The following VWA3A variants were observed in gnomAD, a reference collection of about 807,000 sequenced individuals.
The protein encoded by VWA3A is von Willebrand factor A domain containing 3A.
A neutral mutation model predicts 160.4 loss-of-function variants in VWA3A; 134 were observed. The observed-to-expected ratio is 0.84, with a 90% CI of 0.73 to 0.96. The LOEUF (loss-of-function observed/expected upper bound fraction) is 0.96, where lower values mean the gene tolerates loss of function less well. Among genes scored for constraint, VWA3A ranks in the 40% least tolerant of loss-of-function variants. The pLI, the probability that VWA3A is intolerant of heterozygous loss-of-function variation, is 0.00. For synonymous variants in VWA3A, 476 were observed against 543.4 expected (o/e 0.88, Z 1.72); for missense variants, 1,310 against 1,447.9 (o/e 0.90, Z 1.55).
intron 5 of VWA3A, among the ~76,000 whole-genome samples, chr16:22,102,911 G>C (rs889596761): frequency 9.2e-5 from 14 of 152,120 alleles, no homozygotes; most frequent in African/African-American, 3.4e-4. Flanking sequence ...TTGAAGTCTG[G>C]GAGGGCCTGA....
intron 11 of VWA3A, 99 bp from the exon 12 acceptor site, chr16:22,118,803 C>G (rs557701348): frequency 6.6e-7 from 1 of 1,519,294 alleles, no homozygotes; most frequent in Admixed American, 1.8e-5. Flanking sequence ...GAGTCTGACC[C>G]TCTGCCTGGG....
At chr16:22,122,908 G>A (rs557221641) in intron 14 of VWA3A, among the ~76,000 whole-genome samples, 177 bp from the exon 15 acceptor site, 2 of 152,206 alleles carry the variant, frequency 1.3e-5, no homozygotes, top group South Asian at 4.1e-4. Context: ...TGACCTGGTG[G>A]TGGTGGTGGT....
intron 27 of VWA3A, 77 bp downstream of exon 27, chr16:22,146,421 A>T: frequency 1.6e-6 from 2 of 1,276,988 alleles, no homozygotes; most frequent in Non-Finnish European, 2.2e-6. Context: ...CCCCAGTGTC[A>T]GTCCTTCCAA....
intron 9 of VWA3A, 24 bp downstream of exon 9, chr16:22,115,496 T>C: frequency 6.3e-7 from 1 of 1,583,740 alleles, no homozygotes; most frequent in Non-Finnish European, 8.6e-7. Flanking sequence ...CCTAAGCAGG[T>C]GACATACTAC....
intron 21 of VWA3A, among the ~76,000 whole-genome samples, 169 bp downstream of exon 21, chr16:22,134,607 G>A (rs1456357828): frequency 6.6e-6 from 1 of 152,206 alleles, no homozygotes; most frequent in East Asian, 1.9e-4. Flanking sequence ...TCCCTCTGAA[G>A]GCTTTGGGTA....
rs2045734125 is a variant in VWA3A, at chr16:22,121,546, C to T, written c.1285C>T (p.Pro429Ser). The T allele has an allele frequency of 1.9e-6, 3 of 1,613,530 alleles. No individual in the cohort carries two copies. In the Admixed American group the frequency reaches 5.0e-5, roughly 27 times the overall value. ...ATTAAGTCTATATCAGGTCCTGGCA[C>T]CCAATGCATTCTCTCCTGTGGAGGA... is the stretch of plus-strand genomic sequence containing the variant. ...KKLSLYQVLA[P>S]NAFSPVEEFV... Residue 429 changes from proline (P) to serine (S), a missense_variant, in exon 14 of 34, where the codon CCC (proline) becomes TCC (serine). Coordinates refer to ENST00000389398, the MANE Select transcript of VWA3A (RefSeq NM_173615.5).
At position 22,130,033 on chromosome 16, in the gene VWA3A, C is replaced by G. The variant is rs570762524; in HGVS notation, c.1653-1172C>G. On this transcript the variant is annotated intron_variant, in intron 17 of 33. Coordinates refer to ENST00000389398, the MANE Select transcript of VWA3A (RefSeq NM_173615.5). Reference sequence around the variant, plus strand: ...TGAAACCCCGTCTCTACTAAAAATACAAAAATCAGTGGGTCTCAGCGGTGC... The same window carrying G: ...TGAAACCCCGTCTCTACTAAAAATAGAAAAATCAGTGGGTCTCAGCGGTGC... Among the ~76,000 whole-genome samples, 6 of 152,248 alleles carry G rather than the reference C, an allele frequency of 3.9e-5. No homozygotes were observed. The South Asian group carries it at 1.0e-3, about 26-fold the overall frequency.
chr16:22,123,366 G>T (rs2045780996), intron 15 of VWA3A: 2 of 1,296,950 alleles, frequency 1.5e-6, no homozygotes, highest in African/African-American at 1.5e-5. Flanking sequence ...AAAAAAAAAA[G>T]GCTTCTAATC....
intron 30 of VWA3A, among the ~76,000 whole-genome samples, chr16:22,152,226 T>C (rs1346416804): frequency 2.6e-5 from 4 of 151,772 alleles, no homozygotes; most frequent in African/African-American, 9.7e-5. Context: ...AGAAAAGAAA[T>C]GGGGGCTGGA....
intron 22 of VWA3A, 155 bp downstream of exon 22, chr16:22,138,667 G>A (rs1480633156): frequency 2.0e-6 from 2 of 1,021,508 alleles, no homozygotes; most frequent in Non-Finnish European, 2.8e-6. Context: ...GCCTCCAGGG[G>A]GAAAATCTCC....
chr16:22,148,376 C>T, intron 28 of VWA3A, 70 bp downstream of exon 28: 1 of 1,511,290 alleles, frequency 6.6e-7, no homozygotes, highest in South Asian at 1.3e-5. Flanking sequence ...AAGCACGCCC[C>T]CTCTTCTCAG....
chr16:22,153,073 C>T (rs550848757), intron 31 of VWA3A, among the ~76,000 whole-genome samples: 7 of 152,160 alleles, frequency 4.6e-5, no homozygotes, highest in East Asian at 1.9e-4. Context: ...AAGCTGGGCA[C>T]GGTGGTTCAC....
At chr16:22,115,830 CAGGG>C (rs1291420021) in intron 9 of VWA3A, among the ~76,000 whole-genome samples, 30 of 112,386 alleles carry the variant, frequency 2.7e-4, no homozygotes, top group African/African-American at 8.3e-4. Context: ...GAGTGAGACC[CAGGG>C]AAGGAAGGAA....
At chr16:22,141,386 G>T in intron 23 of VWA3A, 196 bp from the exon 24 acceptor site, 1 of 644,708 alleles carries the variant, frequency 1.6e-6, no homozygotes, top group South Asian at 1.7e-5. Context: ...CTCAGTAAAT[G>T]GTAGCTATAG....
intron 15 of VWA3A, 125 bp downstream of exon 15, chr16:22,123,290 C>T (rs2045779438): frequency 5.3e-6 from 6 of 1,121,620 alleles, no homozygotes; most frequent in South Asian, 2.9e-5. Context: ...GGACTGTGTG[C>T]TCCACCTACA....
intron 6 of VWA3A, among the ~76,000 whole-genome samples, chr16:22,106,303 T>C (rs1428084761): frequency 6.6e-6 from 1 of 152,004 alleles, no homozygotes; most frequent in African/African-American, 2.4e-5. Context: ...AAGAATTGCT[T>C]GAACCCAGGA....
chr16:22,114,529 C>T (rs2045603314), intron 8 of VWA3A, among the ~76,000 whole-genome samples: 1 of 152,218 alleles, frequency 6.6e-6, no homozygotes, highest in South Asian at 2.1e-4. Context: ...GGTTTGAAAT[C>T]TCAGTTTTAA....
At chr16:22,149,204 C>T (rs144921002) in intron 28 of VWA3A, among the ~76,000 whole-genome samples, 37 of 152,224 alleles carry the variant, frequency 2.4e-4, no homozygotes, top group African/African-American at 8.7e-4. Flanking sequence ...GATCGGGTAA[C>T]CAGTCACTGG....
chr16:22,146,109 A>T, intron 26 of VWA3A, 127 bp from the exon 27 acceptor site: 2 of 741,084 alleles, frequency 2.7e-6, no homozygotes, highest in Non-Finnish European at 2.2e-6. Context: ...GGCATGAGCC[A>T]CCGTGCCCAG....
Sources: allele counts gnomAD v4.1 joint callset (sites outside exome capture counted in the v4.1 genomes callset), GRCh38; gene constraint gnomAD v4.1.1; transcripts MANE v1.5; gene names NCBI Gene and HGNC (gene_info 2026-07-23, HGNC 2026-07-21).